PECR: variants seen among roughly 807,000 people sequenced by gnomAD.
PECR encodes the protein peroxisomal trans-2-enoyl-CoA reductase.
In PECR, 30 loss-of-function variants were observed where a neutral mutation model predicts 35.3. The ratio of observed to expected loss-of-function variants is 0.85; its 90% CI spans 0.64 to 1.15. The LOEUF is 1.15. Ranked by LOEUF, PECR falls within the 50% of genes most tolerant of loss-of-function variation. PECR has a pLI of 0.00. For missense variants in PECR, 392 were observed against 370.8 expected, an observed-to-expected ratio of 1.06 and a Z score of -0.47; for synonymous variants, 148 against 138.9, an observed-to-expected ratio of 1.07 and a Z score of -0.46.
intron 7 of PECR, among the ~76,000 whole-genome samples, chr2:216,031,537 A>AGGAAGGAAGGAAAGAGGGAGGGAG (rs1553558781): frequency 2.0e-5 from 3 of 149,948 alleles, no homozygotes; most frequent in African/African-American, 7.4e-5. Context: ...AAAAGAAAGA[A>AGGAAGGAAGGAAAGAGGGAGGGAG]GGAAGGAAGG....
At chr2:216,039,684 A>G (rs1463749097) in intron 7 of PECR, among the ~76,000 whole-genome samples, 2 of 152,204 alleles carry the variant, frequency 1.3e-5, no homozygotes, top group Non-Finnish European at 2.9e-5. Flanking sequence ...ATCGTCAATA[A>G]ATAGTGTCTC....
At chr2:216,067,954 C>T (rs189982728) in intron 1 of PECR, among the ~76,000 whole-genome samples, 34 of 152,058 alleles carry the variant, frequency 2.2e-4, no homozygotes, top group Admixed American at 3.3e-4. Flanking sequence ...CCAGGCCGGA[C>T]GCAGTGGCTC....
At chr2:216,075,050 G>A (rs1354015912) in intron 1 of PECR, among the ~76,000 whole-genome samples, 1 of 152,202 alleles carries the variant, frequency 6.6e-6, no homozygotes, top group Admixed American at 6.5e-5. Flanking sequence ...GGGAGGCTAA[G>A]GTTGGAGAGT....
intron 1 of PECR, among the ~76,000 whole-genome samples, chr2:216,069,809 G>A (rs944784020): frequency 6.6e-6 from 1 of 151,890 alleles, no homozygotes; most frequent in Non-Finnish European, 1.5e-5. Context: ...GGTGGTGGGC[G>A]CCTGTAATCC....
At chr2:216,058,139 C>T (rs754529354) in intron 4 of PECR, among the ~76,000 whole-genome samples, 7 of 152,132 alleles carry the variant, frequency 4.6e-5, no homozygotes, top group East Asian at 1.9e-4. Flanking sequence ...GCTTGCACGA[C>T]GGCTGCGCTC....
rs1045686322 is a variant in PECR, at chr2:216,054,142, C to T, written c.507-2597G>A. On this transcript the variant is annotated intron_variant, in intron 4 of 7. Coordinates refer to ENST00000265322, the MANE Select transcript of PECR (RefSeq NM_018441.6). ...TCTACTAAAAATACAAAAATTTTAG[C>T]TGGGCATGGTGGCAGGTGCCTGTAA... is the stretch of plus-strand genomic sequence containing the variant. Among the ~76,000 whole-genome samples, 15 of 151,874 alleles carry T rather than the reference C, an allele frequency of 9.9e-5. No homozygotes were observed. In the South Asian group the frequency reaches 3.1e-3, roughly 32 times the overall value.
At chr2:216,054,367 CTTTCTT>C (rs1348491204) in intron 4 of PECR, among the ~76,000 whole-genome samples, 5 of 124,740 alleles carry the variant, frequency 4.0e-5, no homozygotes, top group African/African-American at 1.5e-4. Flanking sequence ...GTTCTTTTTT[CTTTCTT>C]TTTTTTTTTT....
chr2:216,057,473 TA>T (rs1289566737), intron 4 of PECR, among the ~76,000 whole-genome samples: 1 of 152,180 alleles, frequency 6.6e-6, no homozygotes, highest in East Asian at 1.9e-4. Context: ...AATTTGTGGT[TA>T]AAATGTAGGA....
At chr2:216,076,523 G>C (rs1339542070) in intron 1 of PECR, among the ~76,000 whole-genome samples, 1 of 152,220 alleles carries the variant, frequency 6.6e-6, no homozygotes, top group African/African-American at 2.4e-5. Context: ...TATTGTTCCT[G>C]GTGCAGTGGC....
Position 216,065,347 on chromosome 2 carries a change from G to T in PECR, c.389C>A (p.Thr130Asn). The part of the protein sequence containing the change: ...SSKGWHAVLE[T>N]NLTGTFYMCK... ...CATGTAGAAGGTACCCGTCAGGTTGGTCTCAAGCACAGCGTGCCATCCCTT... is the reference window on the plus strand; with the variant it reads ...CATGTAGAAGGTACCCGTCAGGTTGTTCTCAAGCACAGCGTGCCATCCCTT... The change falls in exon 3 of 8, where the codon ACC becomes AAC. Residue 130 changes from threonine (T) to asparagine (N), a missense_variant. Physicochemically the swap from Thr to Asn is moderately conservative, Grantham distance 65 (BLOSUM62 0). Coordinates refer to ENST00000265322, the MANE Select transcript of PECR (RefSeq NM_018441.6). 6.2e-7 allele frequency: 1 copy of T among 1,612,190 alleles called. No individual in the cohort carries two copies. The highest frequency in any genetic ancestry group is 1.1e-5 in the South Asian group (1 of 91,042).
At chr2:216,054,039 C>T (rs1054646495) in intron 4 of PECR, among the ~76,000 whole-genome samples, 2 of 151,918 alleles carry the variant, frequency 1.3e-5, no homozygotes, top group Admixed American at 6.6e-5. Context: ...AATCCCAGCA[C>T]TTTGGGAGGT....
intron 1 of PECR, among the ~76,000 whole-genome samples, chr2:216,075,674 T>C (rs560178230): frequency 6.6e-6 from 1 of 151,916 alleles, no homozygotes; most frequent in South Asian, 2.1e-4. Flanking sequence ...GGATAAGGAG[T>C]TCTTTCAACA....
chr2:216,030,161 T>G (rs1694658467), intron 7 of PECR, among the ~76,000 whole-genome samples: 1 of 152,210 alleles, frequency 6.6e-6, no homozygotes, highest in African/African-American at 2.4e-5. Context: ...ATAGACAAAT[T>G]TGTAAAAATA....
At chr2:216,048,266 G>A (rs1480694865) in intron 6 of PECR, among the ~76,000 whole-genome samples, 7 of 151,094 alleles carry the variant, frequency 4.6e-5, no homozygotes, top group Admixed American at 6.6e-5. Context: ...TAGTAGAGGC[G>A]GGGTTTCACC....
At chr2:216,039,457 T>G in intron 7 of PECR, 97 bp from the exon 8 acceptor site, 1 of 778,974 alleles carries the variant, frequency 1.3e-6, no homozygotes, top group Non-Finnish European at 2.3e-6. Context: ...GTTCACACAT[T>G]TTCTCAGCAC....
chr2:216,078,587 C>CA (rs35963126), intron 1 of PECR, among the ~76,000 whole-genome samples: 154 of 85,302 alleles, frequency 1.8e-3, no homozygotes, highest in Middle Eastern at 0.015. Flanking sequence ...AACTCCATCT[C>CA]AAAAAAAAAA....
intron 7 of PECR, among the ~76,000 whole-genome samples, chr2:216,043,406 G>A (rs953086611): frequency 1.3e-5 from 2 of 151,876 alleles, no homozygotes; most frequent in African/African-American, 4.8e-5. Flanking sequence ...CACCATACCC[G>A]GCCAAATTTC....
intron 7 of PECR, among the ~76,000 whole-genome samples, chr2:216,042,986 T>TAC (rs1323126475): frequency 1.4e-5 from 2 of 142,776 alleles, no homozygotes; most frequent in African/African-American, 2.7e-5. Flanking sequence ...TGTGTATATA[T>TAC]ATATACATAC....
chr2:216,049,947 G>A (rs6709082), intron 5 of PECR, among the ~76,000 whole-genome samples: 4,270 of 152,328 alleles, frequency 0.028, 155 homozygotes, highest in African/African-American at 0.09. Context: ...GCCAGGTGCA[G>A]TGGCTCATGC....
Sources: gnomAD v4.1 joint callset for allele counts (sites outside exome capture counted in the v4.1 genomes callset) on GRCh38, gnomAD v4.1.1 for gene constraint, MANE v1.5 for transcripts, NCBI Gene and HGNC (gene_info 2026-07-23, HGNC 2026-07-21) for gene names.